The following BCL2 variants were observed in gnomAD, a reference collection of about 807,000 sequenced individuals.
BCL2 encodes the protein BCL2 apoptosis regulator.
In BCL2, 1 loss-of-function variant was observed where a neutral mutation model predicts 14.2. The ratio of observed to expected loss-of-function variants is 0.07; its 90% confidence interval spans 0.02 to 0.33. The LOEUF (loss-of-function observed/expected upper bound fraction) is 0.33, where lower values mean the gene tolerates loss of function less well. Ranked by LOEUF, BCL2 falls within the 10% of genes least tolerant of loss-of-function variation. BCL2 has a pLI of 0.99. For synonymous variants in BCL2, 151 were observed against 137.2 expected, an observed-to-expected ratio of 1.10 and a Z score of -0.70; for missense variants, 247 against 305.9, an observed-to-expected ratio of 0.81 and a Z score of 1.44.
intron 2 of BCL2, among the ~76,000 whole-genome samples, chr18:63,262,615 CT>C (rs1416564633): frequency 2.0e-5 from 3 of 152,274 alleles, no homozygotes; most frequent in East Asian, 3.9e-4. Flanking sequence ...GATTGGGTAC[CT>C]TTGCTCCGAC....
chr18:63,229,156 T>C (rs982642305), intron 2 of BCL2, among the ~76,000 whole-genome samples: 1 of 152,206 alleles, frequency 6.6e-6, no homozygotes, highest in Non-Finnish European at 1.5e-5. Context: ...CAATTCAAAA[T>C]TATAGTGGGA....
At chr18:63,177,400 G>A (rs1009385682) in intron 2 of BCL2, among the ~76,000 whole-genome samples, 14 of 152,144 alleles carry the variant, frequency 9.2e-5, no homozygotes, top group Admixed American at 8.5e-4. Context: ...GAACACCTAA[G>A]AAACCAGGCC....
intron 2 of BCL2, among the ~76,000 whole-genome samples, chr18:63,233,173 C>A (rs1392396206): frequency 6.6e-6 from 1 of 152,150 alleles, no homozygotes; most frequent in Non-Finnish European, 1.5e-5. Context: ...CTAATCACCT[C>A]CAAAATCCTG....
intron 2 of BCL2, among the ~76,000 whole-genome samples, chr18:63,264,632 TAAG>T (rs1911764005): frequency 1.3e-5 from 2 of 152,224 alleles, no homozygotes; most frequent in Admixed American, 6.5e-5. Context: ...TAAATATTTT[TAAG>T]AAGTTACAAT....
At chr18:63,164,971 A>G (rs1390365353) in intron 2 of BCL2, among the ~76,000 whole-genome samples, 1 of 152,276 alleles carries the variant, frequency 6.6e-6, no homozygotes, top group Non-Finnish European at 1.5e-5. Context: ...TGTGAATGCT[A>G]GATGACGAGT....
chr18:63,276,040 A>ACCATG lies in BCL2; in HGVS notation c.585+42037_585+42041dup, dbSNP rs570109661. ...GTAAAGGGTTTAGGGCACAAAGGAC[A>ACCATG]CCATGGGGTGCCCCCACCCTACTCC... On this transcript the variant is annotated intron_variant, in intron 2 of 2. Coordinates refer to ENST00000333681, the MANE Select transcript of BCL2 (RefSeq NM_000633.3). Among the ~76,000 whole-genome samples, 12 of 152,296 alleles carry ACCATG rather than the reference A, an allele frequency of 7.9e-5. No homozygotes were observed. The South Asian group carries it at 2.3e-3, about 29-fold the overall frequency.
chr18:63,269,985 A>G (rs1911958400), intron 2 of BCL2, among the ~76,000 whole-genome samples: 2 of 152,234 alleles, frequency 1.3e-5, no homozygotes, highest in African/African-American at 2.4e-5. Context: ...ATATATATAC[A>G]TCTAACTACA....
intron 2 of BCL2, chr18:63,314,947 G>A (rs1361003652): frequency 1.3e-5 from 2 of 152,130 alleles, no homozygotes; most frequent in Admixed American, 1.3e-4. Flanking sequence ...TCTTCCTAAA[G>A]TCAGATCACA....
chr18:63,290,112 T>C (rs79886048), intron 2 of BCL2, among the ~76,000 whole-genome samples: 8,296 of 152,122 alleles, frequency 0.055, 605 homozygotes, highest in African/African-American at 0.16. Context: ...GTTTTGAGCC[T>C]GGGTGATCGG....
chr18:63,222,282 AAAAAAAGAAAAAG>A (rs1910416241), intron 2 of BCL2, among the ~76,000 whole-genome samples: 2 of 151,500 alleles, frequency 1.3e-5, no homozygotes, highest in Admixed American at 1.3e-4. Context: ...TCAAAAAAAA[AAAAAAAGAAAAAG>A]AAAAAAGAAA....
chr18:63,230,190 A>T (rs1408839398), intron 2 of BCL2, among the ~76,000 whole-genome samples: 3 of 152,136 alleles, frequency 2.0e-5, no homozygotes, highest in Admixed American at 6.5e-5. Context: ...AAAATACAAT[A>T]AAAAAATTGA....
At chr18:63,233,256 A>G (rs899686715) in intron 2 of BCL2, among the ~76,000 whole-genome samples, 1 of 152,244 alleles carries the variant, frequency 6.6e-6, no homozygotes, top group Non-Finnish European at 1.5e-5. Context: ...CATTCAGTTT[A>G]TAACAATATA....
chr18:63,163,751 T>C (rs1006002614), intron 2 of BCL2, among the ~76,000 whole-genome samples: 1 of 152,234 alleles, frequency 6.6e-6, no homozygotes, highest in Non-Finnish European at 1.5e-5. Flanking sequence ...AACTTCATAG[T>C]GACTTTAAAA....
chr18:63,308,414 G>A (rs1261508896), intron 2 of BCL2, among the ~76,000 whole-genome samples: 1 of 152,224 alleles, frequency 6.6e-6, no homozygotes, highest in African/African-American at 2.4e-5. Flanking sequence ...ATGATGGGGT[G>A]ATGAATAATC....
intron 2 of BCL2, among the ~76,000 whole-genome samples, chr18:63,196,053 C>G (rs1909435079): frequency 6.6e-6 from 1 of 152,214 alleles, no homozygotes. Context: ...AATTACAGCA[C>G]TGGACAATTC....
At chr18:63,316,949 ACTT>A (rs1913517111) in intron 2 of BCL2, 1 of 151,888 alleles carries the variant, frequency 6.6e-6, no homozygotes, top group East Asian at 1.9e-4. Context: ...AAAAAAAAAA[ACTT>A]CACACAAGAA....
At chr18:63,272,529 T>C (rs1232475866) in intron 2 of BCL2, among the ~76,000 whole-genome samples, 3 of 152,242 alleles carry the variant, frequency 2.0e-5, no homozygotes, top group African/African-American at 7.2e-5. Context: ...GAAATGTTTT[T>C]TGTTTGTTTG....
At chr18:63,247,753 C>T (rs1398452652) in intron 2 of BCL2, among the ~76,000 whole-genome samples, 1 of 152,130 alleles carries the variant, frequency 6.6e-6, no homozygotes, top group Non-Finnish European at 1.5e-5. Context: ...AGCCACCATT[C>T]CAGTGCCAAG....
In BCL2 at chr18:63,132,555, T is replaced by A. The variant is rs116548391; in HGVS notation, c.586-3796A>T. On this transcript the variant is annotated intron_variant, in intron 2 of 2. Transcript: ENST00000333681. ...AATACAATGCCTACCTATCTGTCCTTCTTTACACATTATTAGAGTGTAGGG... is the reference window on the plus strand; with the variant it reads ...AATACAATGCCTACCTATCTGTCCTACTTTACACATTATTAGAGTGTAGGG... Among the ~76,000 whole-genome samples the A allele has an allele frequency of 9.4e-3, 1,439 of 152,340 alleles. 31 individuals are homozygous for A. Among genetic ancestry groups the A allele is most frequent in the African/African-American group, 0.033 (1,375 of 41,574 alleles).
Sources: allele counts gnomAD v4.1 joint callset (sites outside exome capture counted in the v4.1 genomes callset), GRCh38; gene constraint gnomAD v4.1.1; transcripts MANE v1.5; gene names NCBI Gene and HGNC (gene_info 2026-07-23, HGNC 2026-07-21).